Variants in HMGB1 observed in about 807,000 individuals in gnomAD.
HMGB1 encodes high mobility group protein B1.
For missense variants in HMGB1, 79 were observed against 253.5 expected (o/e 0.31, Z 4.67); for synonymous variants, 81 against 84.0 (o/e 0.96, Z 0.19).
At position 30,571,296 on chromosome 13, in the gene HMGB1, T is replaced by G. The variant is rs571704433; in HGVS notation, c.-15+45375A>C. Among the ~76,000 whole-genome samples the G allele has an allele frequency of 6.6e-3, 1,004 of 151,316 alleles. 6 individuals are homozygous for G. Among genetic ancestry groups the G allele is most frequent in the African/African-American group, 0.023 (929 of 41,272 alleles). On this transcript the variant is annotated intron_variant, in intron 1 of 4. Coordinates refer to the HMGB1 transcript ENST00000405805. ...TCCAGGATTAGCAAAAAAATGGTTT[T>G]TTTTTTTTTTTTTTCCGAGATGGAG...
intron 1 of HMGB1, among the ~76,000 whole-genome samples, chr13:30,513,312 C>T (rs181073149): frequency 1.0e-3 from 155 of 152,304 alleles, no homozygotes; most frequent in African/African-American, 3.5e-3. Flanking sequence ...AAGGTCTCTT[C>T]AATTTTTCCC....
chr13:30,497,934 T>C (rs1887648853), intron 1 of HMGB1, among the ~76,000 whole-genome samples: 1 of 152,198 alleles, frequency 6.6e-6, no homozygotes, highest in Non-Finnish European at 1.5e-5. Flanking sequence ...TGTGTGTGTC[T>C]TTATGGTAGA....
chr13:30,599,688 C>T (rs1871775608), intron 1 of HMGB1, among the ~76,000 whole-genome samples: 1 of 152,150 alleles, frequency 6.6e-6, no homozygotes, highest in Non-Finnish European at 1.5e-5. Flanking sequence ...TGTCTCCCCA[C>T]GTATCCAAAT....
At chr13:30,605,846 CAT>C (rs1365699468) in intron 1 of HMGB1, among the ~76,000 whole-genome samples, 2 of 152,134 alleles carry the variant, frequency 1.3e-5, no homozygotes, top group African/African-American at 4.8e-5. Context: ...CATTTAATGC[CAT>C]ATGTTTTCCC....
chr13:30,577,582 A>ATC (rs1389795838), intron 1 of HMGB1, among the ~76,000 whole-genome samples: 3 of 152,148 alleles, frequency 2.0e-5, no homozygotes, highest in African/African-American at 7.2e-5. Context: ...ACTCTCTCAC[A>ATC]TCTACCTACC....
Position 30,457,450 on chromosome 13 carries a change from G to A in HMGB1, c.*3907C>T, listed in dbSNP as rs1886037371. On this transcript the variant is annotated 3_prime_UTR_variant, in exon 5 of 5. Coordinates refer to ENST00000341423, the MANE Select transcript of HMGB1 (RefSeq NM_002128.7). ...TCAACTATTTAAGCTAAGCACAGTG[G>A]TGTGTCCCTGTAATCCCAGCTACTT... 1 of 152,206 alleles carries A rather than the reference G, an allele frequency of 6.6e-6. No individual in the cohort carries two copies. The highest frequency in any genetic ancestry group is 1.5e-5 in the Non-Finnish European group (1 of 68,046). The allele number at this position is 152,206 out of a possible 1,614,324, so 9.4% of individuals were successfully genotyped here.
At chr13:30,537,544 T>A (rs1352408193) in intron 1 of HMGB1, among the ~76,000 whole-genome samples, 1 of 151,250 alleles carries the variant, frequency 6.6e-6, no homozygotes, top group Non-Finnish European at 1.5e-5. Flanking sequence ...AAAATGTGTA[T>A]TTTTTAAAAA....
intron 1 of HMGB1, among the ~76,000 whole-genome samples, chr13:30,593,771 G>A (rs1372730142): frequency 1.3e-5 from 2 of 152,070 alleles, no homozygotes; most frequent in African/African-American, 4.8e-5. Context: ...AAAAAAATCA[G>A]ACAGATCCAA....
At chr13:30,565,856 A>C (rs1870163931) in intron 1 of HMGB1, among the ~76,000 whole-genome samples, 1 of 152,234 alleles carries the variant, frequency 6.6e-6, no homozygotes, top group African/African-American at 2.4e-5. Context: ...CTTCCCTACT[A>C]TCTGTAACAA....
At chr13:30,607,667 TAGA>T (rs1365484216) in intron 1 of HMGB1, among the ~76,000 whole-genome samples, 3 of 152,192 alleles carry the variant, frequency 2.0e-5, no homozygotes, top group South Asian at 4.1e-4. Context: ...ACAGACTATC[TAGA>T]AGAACATGTA....
At chr13:30,563,699 T>C (rs1392632228) in intron 1 of HMGB1, among the ~76,000 whole-genome samples, 3 of 152,230 alleles carry the variant, frequency 2.0e-5, no homozygotes, top group African/African-American at 7.2e-5. Context: ...AGCACAATTA[T>C]TTTTCTGCAG....
chr13:30,508,313 A>C (rs1200289729), intron 1 of HMGB1, among the ~76,000 whole-genome samples: 2 of 152,054 alleles, frequency 1.3e-5, no homozygotes, highest in African/African-American at 2.4e-5. Context: ...GGAGTTCAAG[A>C]CCAGCCTGGC....
At position 30,604,105 on chromosome 13, in the gene HMGB1, G is replaced by C. The variant is rs939091589; in HGVS notation, c.-15+12566C>G. On this transcript the variant is annotated intron_variant, in intron 1 of 4. Coordinates refer to the HMGB1 transcript ENST00000405805. ...GAGGCTGCATCCATCTAGTGGAAAC[G>C]ATGCCCTTTTCAATCTGCACAAAGA... Among the ~76,000 whole-genome samples, 4 of 151,418 alleles carry C rather than the reference G, an allele frequency of 2.6e-5. No homozygotes were observed. In the South Asian group the frequency reaches 8.4e-4, roughly 32 times the overall value.
chr13:30,548,160 G>A (rs1343298745), intron 1 of HMGB1, among the ~76,000 whole-genome samples: 1 of 152,116 alleles, frequency 6.6e-6, no homozygotes, highest in Non-Finnish European at 1.5e-5. Flanking sequence ...CACGTGTTGT[G>A]GGAGGGACCA....
intron 1 of HMGB1, among the ~76,000 whole-genome samples, chr13:30,599,848 G>A (rs1871785974): frequency 6.6e-6 from 1 of 152,158 alleles, no homozygotes; most frequent in South Asian, 2.1e-4. Context: ...TGAATTGGGG[G>A]TGGGGCACAA....
At position 30,460,884 on chromosome 13, in the gene HMGB1, GACA is replaced by G. The variant is rs552284378; in HGVS notation, c.*470_*472del. 1.2e-3 allele frequency: 686 copies of G among 595,980 alleles called. 6 individuals carry two copies. In the African/African-American group the frequency reaches 0.013, roughly 11 times the overall value. The allele number at this position is 595,980 out of a possible 1,614,324, so 36.9% of individuals were successfully genotyped here. A position where few individuals can be genotyped will look rare whatever the true frequency, so the allele number is the denominator to read the frequency against. ...AGAAAAATTTCAGACCTATGAAAAG[GACA>G]ACAATACTAATAAAAAAAATTGTAT... On this transcript the variant is annotated 3_prime_UTR_variant, in exon 5 of 5. Coordinates refer to ENST00000341423, the MANE Select transcript of HMGB1 (RefSeq NM_002128.7).
chr13:30,481,144 GT>G (rs1887217438), intron 1 of HMGB1, among the ~76,000 whole-genome samples: 1 of 151,724 alleles, frequency 6.6e-6, no homozygotes, highest in Non-Finnish European at 1.5e-5. Flanking sequence ...TTGTTTTCAA[GT>G]ACTGTATGTT....
At chr13:30,505,714 G>A (rs899235117) in intron 1 of HMGB1, among the ~76,000 whole-genome samples, 4 of 152,022 alleles carry the variant, frequency 2.6e-5, no homozygotes, top group Admixed American at 6.6e-5. Context: ...GGCCCATCCC[G>A]TTTCCATCTT....
At chr13:30,473,763 C>T (rs1463864930) in intron 1 of HMGB1, among the ~76,000 whole-genome samples, 2 of 152,086 alleles carry the variant, frequency 1.3e-5, no homozygotes, top group African/African-American at 4.8e-5. Flanking sequence ...GGTATATACC[C>T]AAAAGAAACA....
Sources: allele counts gnomAD v4.1 joint callset (sites outside exome capture counted in the v4.1 genomes callset), GRCh38; gene constraint gnomAD v4.1.1; transcripts MANE v1.5; gene names NCBI Gene and HGNC (gene_info 2026-07-23, HGNC 2026-07-21).